The following EDNRB variants were observed in gnomAD, a reference collection of about 807,000 sequenced individuals.
EDNRB encodes the protein endothelin receptor type B.
A neutral mutation model predicts 46.4 loss-of-function variants in EDNRB; 18 were observed. The observed-to-expected ratio is 0.39, with a 90% confidence interval of 0.27 to 0.57. The LOEUF is 0.57. EDNRB is among the 20% of genes least tolerant of loss of function. EDNRB has a pLI of 0.61. For synonymous variants in EDNRB, 213 were observed against 204.9 expected, an observed-to-expected ratio of 1.04 and a Z score of -0.34; for missense variants, 434 against 537.5, an observed-to-expected ratio of 0.81 and a Z score of 1.90.
chr13:77,939,804 T>G (rs991165236), intron 1 of EDNRB: 2 of 152,094 alleles, frequency 1.3e-5, no homozygotes, highest in Non-Finnish European at 2.9e-5. Flanking sequence ...AAGACCATCT[T>G]GGCCAACATG....
At position 77,918,584 on chromosome 13, in the gene EDNRB, G is replaced by C. The variant is rs1879943193; in HGVS notation, c.-11C>G. The C allele has an allele frequency of 2.5e-6, 4 of 1,582,954 alleles. No homozygotes were observed. The highest frequency in any genetic ancestry group is 3.4e-6 in the Non-Finnish European group (4 of 1,171,422). On this transcript the variant is annotated 5_prime_UTR_variant, in exon 1 of 7. Coordinates refer to ENST00000646607, the MANE Select transcript of EDNRB (RefSeq NM_001122659.3). This position sits in a 1 kb window ranked among gnomAD's most constrained non-coding sequence, Gnocchi z 4.5. ...TGGAGGCGGCTGCATGCTGCTACCT[G>C]CTCCAGAAGGCGTCCGGTGGCCGCT...
At chr13:77,954,122 T>C (rs150393367) in intron 1 of EDNRB, among the ~76,000 whole-genome samples, 163 of 152,332 alleles carry the variant, frequency 1.1e-3, no homozygotes, top group African/African-American at 3.5e-3. Flanking sequence ...TTTTCTTTTG[T>C]TTCTTGTGTT....
In EDNRB at chr13:77,917,033, A is replaced by G. The variant is rs12720170; in HGVS notation, c.483+1058T>C. Among the ~76,000 whole-genome samples, 1,050 of 152,202 alleles carry G rather than the reference A, an allele frequency of 6.9e-3. 40 individuals are homozygous for G. Among genetic ancestry groups the G allele is most frequent in the Admixed American group, 0.051 (778 of 15,284 alleles). ...TGTCTGGAGTTCCAAAGCAACCTGG[A>G]GCAACCTGGCTCTTTGTGTGTTTCT... is the stretch of plus-strand genomic sequence containing the variant. On this transcript the variant is annotated intron_variant, in intron 1 of 6. Transcript: ENST00000646607.
intron 6 of EDNRB, 151 bp downstream of exon 6, chr13:77,899,708 A>C (rs1878834285): frequency 7.7e-6 from 5 of 653,000 alleles, no homozygotes; most frequent in Non-Finnish European, 1.0e-5. Flanking sequence ...TTACAAGCAA[A>C]AGTTGTATTT....
At chr13:77,939,520 T>C (rs1277718547) in intron 1 of EDNRB, 1 of 152,244 alleles carries the variant, frequency 6.6e-6, no homozygotes, top group East Asian at 1.9e-4. Context: ...GAAGATTAAA[T>C]GAAGTCATGA....
At chr13:77,924,592 T>C (rs2137647821), upstream of EDNRB, among the ~76,000 whole-genome samples, 1 of 152,324 alleles carries the variant, frequency 6.6e-6, no homozygotes, top group East Asian at 1.9e-4. Context: ...AGTGTACACT[T>C]CAATTGTGTT....
At chr13:77,972,891 G>A (rs923623403) in intron 1 of EDNRB, among the ~76,000 whole-genome samples, 4 of 152,222 alleles carry the variant, frequency 2.6e-5, no homozygotes, top group African/African-American at 4.8e-5. Flanking sequence ...CTTGACTCAG[G>A]TGTGATGAGT....
chr13:77,955,970 C>T (rs574679001), intron 1 of EDNRB, among the ~76,000 whole-genome samples: 109 of 151,790 alleles, frequency 7.2e-4, no homozygotes, highest in Non-Finnish European at 1.3e-3. Context: ...GTGATATCTC[C>T]AGCTTTGTTC....
intron 1 of EDNRB, among the ~76,000 whole-genome samples, chr13:77,974,971 C>T (rs1881844404): frequency 6.6e-6 from 1 of 152,138 alleles, no homozygotes; most frequent in African/African-American, 2.4e-5. Context: ...ACCACGCTCA[C>T]ACCACATGCA....
At chr13:77,938,301 T>C (rs1210385954) in intron 1 of EDNRB, among the ~76,000 whole-genome samples, 1 of 150,812 alleles carries the variant, frequency 6.6e-6, no homozygotes, top group East Asian at 2.0e-4. Flanking sequence ...GGCGCAGAGA[T>C]TAGAGGTCAC....
intron 1 of EDNRB, among the ~76,000 whole-genome samples, chr13:77,912,191 G>A (rs1384736531): frequency 6.6e-6 from 1 of 152,082 alleles, no homozygotes; most frequent in Non-Finnish European, 1.5e-5. Context: ...ACTGAGAAAT[G>A]TAAACCTTTT....
intron 1 of EDNRB, among the ~76,000 whole-genome samples, chr13:77,936,312 T>C (rs919981790): frequency 2.0e-5 from 3 of 152,030 alleles, no homozygotes; most frequent in Non-Finnish European, 4.4e-5. Flanking sequence ...ATAAGGGAAC[T>C]GGGCAGGTGG....
chr13:77,931,744 C>CAAAAAAA (rs67176737), intron 1 of EDNRB, among the ~76,000 whole-genome samples: 12 of 83,426 alleles, frequency 1.4e-4, no homozygotes, highest in East Asian at 1.0e-3. Flanking sequence ...ACTGTAGTAG[C>CAAAAAAA]AAAAAAAAAA....
At chr13:77,916,506 C>A (rs1185940221) in intron 1 of EDNRB, among the ~76,000 whole-genome samples, 1 of 152,176 alleles carries the variant, frequency 6.6e-6, no homozygotes, top group Non-Finnish European at 1.5e-5. Context: ...ATCGATTCCC[C>A]CATTTCCGGG....
intron 1 of EDNRB, among the ~76,000 whole-genome samples, chr13:77,973,444 A>C (rs1039509593): frequency 1.4e-5 from 2 of 147,902 alleles, no homozygotes; most frequent in Non-Finnish European, 3.0e-5. Context: ...TTGGTACTTC[A>C]AGAAAAACCT....
chr13:77,928,146 T>C (rs979660302), intron 1 of EDNRB, among the ~76,000 whole-genome samples: 1 of 152,204 alleles, frequency 6.6e-6, no homozygotes, highest in Non-Finnish European at 1.5e-5. Flanking sequence ...CTAATACAGG[T>C]ACATTTAATC....
chr13:77,901,806 C>CT (rs974742616), intron 3 of EDNRB, among the ~76,000 whole-genome samples: 19 of 151,346 alleles, frequency 1.3e-4, no homozygotes, highest in Non-Finnish European at 1.9e-4. Flanking sequence ...CTAGGCAGCA[C>CT]TTTTTTTTTC....
upstream of EDNRB, chr13:77,918,831 T>TC (rs1280315334): frequency 2.3e-6 from 3 of 1,291,736 alleles, no homozygotes; most frequent in East Asian, 2.9e-5. The surrounding 1 kb of genome is among the most constrained non-coding windows in gnomAD (Gnocchi z 4.5). Flanking sequence ...CTGTTTTTCT[T>TC]CCCCCGCGTG....
chr13:77,901,017 T>C, intron 4 of EDNRB, 41 bp downstream of exon 4: 2 of 1,603,062 alleles, frequency 1.2e-6, no homozygotes, highest in Non-Finnish European at 1.7e-6. Context: ...TTCATAATTA[T>C]AAATTCAACC....
Sources: gnomAD v4.1 joint callset for allele counts (sites outside exome capture counted in the v4.1 genomes callset) on GRCh38, gnomAD v4.1.1 for gene constraint, Gnocchi (gnomAD v3.1) non-coding constraint, MANE v1.5 for transcripts, NCBI Gene and HGNC (gene_info 2026-07-23, HGNC 2026-07-21) for gene names.